Variants in KLHL2 observed in about 807,000 individuals in gnomAD.
The protein encoded by KLHL2 is kelch like family member 2.
Under a neutral mutation model 75.8 loss-of-function variants are expected in KLHL2, and 15 were observed. That is an observed-to-expected ratio of 0.20 (90% CI 0.13 to 0.30). The LOEUF is 0.30. KLHL2 is among the 10% of genes least tolerant of loss of function. KLHL2 has a pLI of 1.00. For synonymous variants in KLHL2, 214 were observed against 251.9 expected, an observed-to-expected ratio of 0.85 and a Z score of 1.42; for missense variants, 381 against 741.0, an observed-to-expected ratio of 0.51 and a Z score of 5.64.
At chr4:165,308,367 T>C (rs970017781) in intron 9 of KLHL2, among the ~76,000 whole-genome samples, 2 of 152,216 alleles carry the variant, frequency 1.3e-5, no homozygotes, top group South Asian at 2.1e-4. Flanking sequence ...TCTTTACTTA[T>C]TGGGTAACTA....
chr4:165,266,246 A>G (rs907373699), intron 5 of KLHL2, among the ~76,000 whole-genome samples: 18 of 152,074 alleles, frequency 1.2e-4, no homozygotes, highest in African/African-American at 3.9e-4. Flanking sequence ...GTAGTTTGCA[A>G]ATATTTTCTC....
At chr4:165,318,853 A>G (rs1421902489) in intron 14 of KLHL2, among the ~76,000 whole-genome samples, 1 of 152,108 alleles carries the variant, frequency 6.6e-6, no homozygotes, top group Non-Finnish European at 1.5e-5. Context: ...TAACCTAGAA[A>G]TATTGAAAAA....
intron 2 of KLHL2, among the ~76,000 whole-genome samples, chr4:165,223,351 G>A (rs1044236769): frequency 2.2e-4 from 33 of 152,162 alleles, no homozygotes; most frequent in Non-Finnish European, 4.0e-4. Context: ...TGTGCAAATC[G>A]TGGGTGCCCA....
intron 4 of KLHL2, among the ~76,000 whole-genome samples, chr4:165,260,327 T>C (rs1431165736): frequency 6.6e-6 from 1 of 152,226 alleles, no homozygotes; most frequent in Non-Finnish European, 1.5e-5. Context: ...TTGTCAAGCA[T>C]GTAACCACGT....
intron 8 of KLHL2, among the ~76,000 whole-genome samples, 169 bp from the exon 9 acceptor site, chr4:165,305,439 C>T (rs1282528733): frequency 1.3e-5 from 2 of 152,108 alleles, no homozygotes; most frequent in African/African-American, 4.8e-5. Flanking sequence ...CGTGTGTCCC[C>T]TTGGTTGATG....
chr4:165,298,893 G>A (rs1219535705), intron 7 of KLHL2, among the ~76,000 whole-genome samples: 1 of 151,674 alleles, frequency 6.6e-6, no homozygotes, highest in Non-Finnish European at 1.5e-5. Context: ...TTGTACCACT[G>A]AACTCCAGCC....
intron 11 of KLHL2, among the ~76,000 whole-genome samples, chr4:165,311,982 G>T (rs960700754): frequency 6.6e-6 from 1 of 152,098 alleles, no homozygotes; most frequent in African/African-American, 2.4e-5. Context: ...GGGTGGGTTG[G>T]GGGGATGGTT....
intron 5 of KLHL2, among the ~76,000 whole-genome samples, chr4:165,268,046 G>A (rs1376546920): frequency 1.3e-5 from 2 of 152,124 alleles, no homozygotes; most frequent in East Asian, 1.9e-4. Context: ...TTGGGAGGGT[G>A]TATGTGTCCA....
At chr4:165,263,477 A>C (rs1741868555) in intron 5 of KLHL2, 118 bp downstream of exon 5, 1 of 1,441,088 alleles carries the variant, frequency 6.9e-7, no homozygotes, top group Non-Finnish European at 9.3e-7. Flanking sequence ...ATAAAAATAC[A>C]TTTAAAATCT....
At chr4:165,317,011 T>G (rs905896677) in intron 13 of KLHL2, among the ~76,000 whole-genome samples, 1 of 152,156 alleles carries the variant, frequency 6.6e-6, no homozygotes, top group Non-Finnish European at 1.5e-5. Flanking sequence ...GGTCATCTTT[T>G]TTTCTTATAA....
At chr4:165,236,564 G>C (rs1369050329) in intron 3 of KLHL2, among the ~76,000 whole-genome samples, 2 of 152,132 alleles carry the variant, frequency 1.3e-5, no homozygotes, top group Non-Finnish European at 2.9e-5. Context: ...ATCTCACAAA[G>C]CCATACTGTT....
At chr4:165,220,157 T>G in intron 2 of KLHL2, 98 bp downstream of exon 2, 1 of 1,513,040 alleles carries the variant, frequency 6.6e-7, no homozygotes, top group Non-Finnish European at 8.8e-7. Context: ...TGTTGCTTTG[T>G]CTGGTACACA....
At chr4:165,310,290 A>G (rs764879305) in intron 9 of KLHL2, among the ~76,000 whole-genome samples, 2 of 152,182 alleles carry the variant, frequency 1.3e-5, no homozygotes, top group Admixed American at 6.5e-5. Context: ...GCGCCACTGC[A>G]CTCCAGCCTG....
At chr4:165,288,617 A>T (rs1291267311) in intron 5 of KLHL2, among the ~76,000 whole-genome samples, 4 of 152,082 alleles carry the variant, frequency 2.6e-5, no homozygotes, top group Non-Finnish European at 5.9e-5. Context: ...CATTGTATGG[A>T]TATACTATGT....
At chr4:165,246,713 A>G (rs1389785182) in intron 4 of KLHL2, among the ~76,000 whole-genome samples, 1 of 152,116 alleles carries the variant, frequency 6.6e-6, no homozygotes, top group African/African-American at 2.4e-5. Flanking sequence ...GGATGGGGAC[A>G]TATTTTTGGG....
At chr4:165,237,538 A>G (rs910054073) in intron 3 of KLHL2, among the ~76,000 whole-genome samples, 3 of 151,682 alleles carry the variant, frequency 2.0e-5, no homozygotes, top group African/African-American at 7.3e-5. Flanking sequence ...GTACACCACT[A>G]TTGTTATTTC....
intron 5 of KLHL2, among the ~76,000 whole-genome samples, chr4:165,264,704 G>GTGTGTATATATATATATA (rs1323043527): frequency 7.2e-5 from 6 of 82,864 alleles, no homozygotes; most frequent in Non-Finnish European, 1.1e-4. Flanking sequence ...GTGTGTGTGT[G>GTGTGTATATATATATATA]TATATATATA....
At chr4:165,282,829 T>G (rs997362791) in intron 5 of KLHL2, among the ~76,000 whole-genome samples, 1 of 151,228 alleles carries the variant, frequency 6.6e-6, no homozygotes, top group Non-Finnish European at 1.5e-5. Context: ...GTGTTTGTAT[T>G]AGTCCATTTC....
At position 165,302,734 on chromosome 4, in the gene KLHL2, G is replaced by A. The variant is rs1195396325; in HGVS notation, c.922-2874G>A. 2.0e-5 allele frequency among the ~76,000 whole-genome samples: 3 copies of A among 152,042 alleles called. No homozygotes were observed. In the East Asian group the frequency reaches 5.8e-4, roughly 29 times the overall value. ...ATTTTTACCCAGTATATTTATTGAAGTTTTCAGTTAGAATCTTGATTTTTC... is the reference window on the plus strand; with the variant it reads ...ATTTTTACCCAGTATATTTATTGAAATTTTCAGTTAGAATCTTGATTTTTC... On this transcript the variant is annotated intron_variant, in intron 8 of 14. Transcript: ENST00000226725.
Sources: gnomAD v4.1 joint callset for allele counts (sites outside exome capture counted in the v4.1 genomes callset) on GRCh38, gnomAD v4.1.1 for gene constraint, MANE v1.5 for transcripts, NCBI Gene and HGNC (gene_info 2026-07-23, HGNC 2026-07-21) for gene names.